The following ATP8B4 variants were observed in gnomAD, a reference collection of about 807,000 sequenced individuals.
ATP8B4 encodes ATPase phospholipid transporting 8B4 (putative).
In ATP8B4, 133 loss-of-function variants were observed where a neutral mutation model predicts 145.6. That is an observed-to-expected ratio of 0.91 (90% CI 0.79 to 1.05). The LOEUF (loss-of-function observed/expected upper bound fraction) is 1.05, where lower values mean the gene tolerates loss of function less well. ATP8B4 is among the 50% of genes least tolerant of loss of function. The probability of loss-of-function intolerance (pLI) is 0.00; values close to 1 mark genes in which losing one functional copy is unlikely to be tolerated. For synonymous variants in ATP8B4, 507 were observed against 492.9 expected, an observed-to-expected ratio of 1.03 and a Z score of -0.38; for missense variants, 1,458 against 1,425.2, an observed-to-expected ratio of 1.02 and a Z score of -0.37.
chr15:49,930,436 T>C (rs4433752), intron 16 of ATP8B4, among the ~76,000 whole-genome samples: 2 of 151,776 alleles, frequency 1.3e-5, no homozygotes, highest in African/African-American at 4.8e-5. Context: ...TGAATGAGAG[T>C]GACATTGACA....
At chr15:49,963,026 G>A (rs2044216047) in intron 13 of ATP8B4, among the ~76,000 whole-genome samples, 1 of 151,892 alleles carries the variant, frequency 6.6e-6, no homozygotes, top group Non-Finnish European at 1.5e-5. Context: ...TCTGACAAAG[G>A]TCTAATATCC....
At chr15:49,909,722 CAAAAAAA>C (rs995336781) in intron 20 of ATP8B4, among the ~76,000 whole-genome samples, 38 of 72,026 alleles carry the variant, frequency 5.3e-4, no homozygotes, top group Admixed American at 1.1e-3. Context: ...CTTTGTTTAC[CAAAAAAA>C]AAAAAAAAAA....
intron 3 of ATP8B4, among the ~76,000 whole-genome samples, chr15:50,072,968 CTCTCTCTCTCTCTA>C (rs1188849784): frequency 2.4e-4 from 8 of 32,944 alleles, no homozygotes; most frequent in African/African-American, 2.6e-4. Context: ...CTCTCTCTCT[CTCTCTCTCTCTCTA>C]TATATATATA....
intron 2 of ATP8B4, among the ~76,000 whole-genome samples, chr15:50,082,896 G>T (rs904085608): frequency 4.6e-5 from 7 of 152,192 alleles, no homozygotes; most frequent in Admixed American, 6.5e-5. Flanking sequence ...CAGAGTCCTA[G>T]CAAGATTATG....
At chr15:50,054,496 C>A (rs1019435453) in intron 3 of ATP8B4, among the ~76,000 whole-genome samples, 5 of 152,056 alleles carry the variant, frequency 3.3e-5, no homozygotes, top group African/African-American at 1.2e-4. Context: ...ATATCAAAAA[C>A]CAACTGGCTG....
intron 27 of ATP8B4, among the ~76,000 whole-genome samples, chr15:49,860,934 G>T (rs560154319): frequency 6.6e-6 from 1 of 152,210 alleles, no homozygotes; most frequent in African/African-American, 2.4e-5. Context: ...TCTTGTGGTA[G>T]CTCAACGTAT....
intron 1 of ATP8B4, among the ~76,000 whole-genome samples, chr15:50,176,749 C>T (rs1030612153): frequency 1.3e-5 from 2 of 152,074 alleles, no homozygotes; most frequent in African/African-American, 4.8e-5. Context: ...TAGAATTCAA[C>T]ACCTAATCAA....
chr15:49,996,117 G>A (rs1486595242), intron 9 of ATP8B4, among the ~76,000 whole-genome samples: 1 of 152,004 alleles, frequency 6.6e-6, no homozygotes, highest in Non-Finnish European at 1.5e-5. Flanking sequence ...GTATGAAGAT[G>A]GAAATACTAA....
chr15:50,014,338 A>G (rs1182695047), intron 6 of ATP8B4, among the ~76,000 whole-genome samples: 1 of 151,988 alleles, frequency 6.6e-6, no homozygotes, highest in Non-Finnish European at 1.5e-5. Flanking sequence ...TTTGTTCACC[A>G]CTCCATCCTG....
chr15:49,972,802 T>G lies in ATP8B4; in HGVS notation c.1035-12A>C, dbSNP rs1369804194. ...GAATTACTTCCACACTATCATCCATTAAAATGGAAAAAAAGAAAGAAATGC... is the reference window on the plus strand; with the variant it reads ...GAATTACTTCCACACTATCATCCATGAAAATGGAAAAAAAGAAAGAAATGC... On this transcript the variant is annotated splice_polypyrimidine_tract_variant and intron_variant, in intron 12 of 27. Coordinates refer to ENST00000284509, the MANE Select transcript of ATP8B4 (RefSeq NM_024837.4). 1 of 1,602,404 alleles carries G rather than the reference T, an allele frequency of 6.2e-7. No individual in the cohort carries two copies. The highest frequency in any genetic ancestry group is 2.2e-5 in the East Asian group (1 of 44,800).
In ATP8B4 at chr15:49,866,520, G is replaced by A. The variant is rs540454610; in HGVS notation, c.3028-36C>T. ...AATCAAATGCAAACGGGAGGTCTTT[G>A]AGGATTAAAACAGCATCATTTTACC... On this transcript the variant is annotated intron_variant, in intron 25 of 27. Transcript: ENST00000284509. 1,998 of 1,608,550 alleles carry A rather than the reference G, an allele frequency of 1.2e-3. 38 individuals carry two copies. The South Asian group carries it at 0.021, about 17-fold the overall frequency.
chr15:50,078,246 T>C (rs1281852134), intron 2 of ATP8B4, among the ~76,000 whole-genome samples: 2 of 151,280 alleles, frequency 1.3e-5, no homozygotes, highest in East Asian at 2.0e-4. Context: ...AGTGGCACAA[T>C]TGTAGTTCAC....
Position 49,920,295 on chromosome 15 carries a change from C to A in ATP8B4, c.1874G>T (p.Arg625Met). Residue 625 changes from arginine to methionine, a missense_variant, in exon 18 of 28, where the codon AGG becomes ATG. Coordinates refer to ENST00000284509, the MANE Select transcript of ATP8B4 (RefSeq NM_024837.4). The part of the protein sequence containing the change: ...LEDANAATEE[R>M]DERIAGLYEE... ...ATATAGCCCAGCTATTCGTTCATCC[C>A]TCTCTTCTGTGGCAGCATTCGCATC... 1 of 1,614,162 alleles carries A rather than the reference C, an allele frequency of 6.2e-7. No homozygotes were observed. Among genetic ancestry groups the A allele is most frequent in the Non-Finnish European group, 8.5e-7 (1 of 1,180,028 alleles).
chr15:49,926,535 C>A (rs1170984043), intron 16 of ATP8B4, among the ~76,000 whole-genome samples: 1 of 152,122 alleles, frequency 6.6e-6, no homozygotes. Flanking sequence ...TAGCTTCCCT[C>A]TCCCTTCTAT....
Position 49,901,214 on chromosome 15 carries a change from G to A in ATP8B4, c.2167C>T (p.Gln723Ter). ...TGGCCATTGGAAAAATTTCTGTTTT[G>A]TCCAAACAAATTTTGTTTTGCTTTC... ...LRKAKQNLFG[Q>*]NRNFSNGHVV... The change falls in exon 21 of 28, where the codon CAA (glutamine) becomes TAA (stop). Residue 723 changes from glutamine (Q) to a stop codon, truncating the protein, a stop_gained. Coordinates refer to ENST00000284509, the MANE Select transcript of ATP8B4 (RefSeq NM_024837.4). LOFTEE classifies it high-confidence loss of function. The A allele has an allele frequency of 6.2e-7, 1 of 1,612,988 alleles. No individual in the cohort carries two copies. Among genetic ancestry groups the A allele is most frequent in the Non-Finnish European group, 8.5e-7 (1 of 1,179,482 alleles).
Position 49,934,023 on chromosome 15 carries a change from T to C in ATP8B4, c.1447A>G (p.Ser483Gly). The change falls in exon 15 of 28, where the codon AGC becomes GGC. Residue 483 changes from serine to glycine, a missense_variant. Coordinates refer to ENST00000284509, the MANE Select transcript of ATP8B4 (RefSeq NM_024837.4). ...GACATAACTTTTCACTTACCTGCGC[T>C]ATTCTCTTCTGACATTACAGTGTGG... The part of the protein sequence containing the change: ...LCHTVMSEEN[S>G]AGELIYQVQS... The C allele has an allele frequency of 6.2e-7, 1 of 1,600,492 alleles. No individual in the cohort carries two copies. The highest frequency in any genetic ancestry group is 8.5e-7 in the Non-Finnish European group (1 of 1,174,798).
chr15:50,097,205 T>C (rs543836167), intron 2 of ATP8B4, among the ~76,000 whole-genome samples: 2 of 152,148 alleles, frequency 1.3e-5, no homozygotes, highest in African/African-American at 4.8e-5. Context: ...CAAATAAAAA[T>C]ACTTTTATAT....
At chr15:50,138,570 C>T (rs992563439) in intron 1 of ATP8B4, among the ~76,000 whole-genome samples, 1 of 152,156 alleles carries the variant, frequency 6.6e-6, no homozygotes, top group Non-Finnish European at 1.5e-5. Flanking sequence ...AACTTAATAT[C>T]CTAATAGGCA....
intron 14 of ATP8B4, among the ~76,000 whole-genome samples, chr15:49,937,308 G>A (rs1306544618): frequency 2.6e-5 from 4 of 152,264 alleles, no homozygotes; most frequent in East Asian, 3.9e-4. Flanking sequence ...GATCAAGGAT[G>A]TAGCAGACTT....
Sources: gnomAD v4.1 joint callset for allele counts (sites outside exome capture counted in the v4.1 genomes callset) on GRCh38, gnomAD v4.1.1 for gene constraint, MANE v1.5 for transcripts, NCBI Gene and HGNC (gene_info 2026-07-23, HGNC 2026-07-21) for gene names.